The following CSGALNACT1 variants were observed in gnomAD, a reference collection of about 807,000 sequenced individuals.
CSGALNACT1 encodes chondroitin sulfate N-acetylgalactosaminyltransferase 1, also known as beta4GalNAcT-1.
In CSGALNACT1, 52 loss-of-function variants were observed where a neutral mutation model predicts 51.0. The observed-to-expected ratio is 1.02, with a 90% CI of 0.82 to 1.29. The LOEUF (loss-of-function observed/expected upper bound fraction) is 1.29. Among genes scored for constraint, CSGALNACT1 ranks in the 50% most tolerant of loss-of-function variants. The pLI is 0.00. For synonymous variants in CSGALNACT1, 341 were observed against 254.4 expected (o/e 1.34, Z -3.24); for missense variants, 935 against 679.2 (o/e 1.38, Z -4.19).
In CSGALNACT1 at chr8:19,408,814, C is replaced by T. The variant is rs2054922704; in HGVS notation, c.1228-120G>A. Reference sequence around the variant, plus strand: ...CCATCCCATCACTGATAAACAGCCTCCACTGGTGCAGGAAACGCAGATGGA... The same window carrying T: ...CCATCCCATCACTGATAAACAGCCTTCACTGGTGCAGGAAACGCAGATGGA... On this transcript the variant is annotated intron_variant, in intron 8 of 9. Transcript: ENST00000454498. 4.7e-6 allele frequency: 4 copies of T among 844,368 alleles called. No homozygotes were observed. The South Asian group carries it at 5.5e-5, about 12-fold the overall frequency. 52.3% of individuals were successfully genotyped at this position (844,368 alleles called of 1,614,324 possible).
At chr8:19,523,699 C>T (rs147288925) in intron 3 of CSGALNACT1, among the ~76,000 whole-genome samples, 1 of 152,124 alleles carries the variant, frequency 6.6e-6, no homozygotes. Context: ...CTATTAAATG[C>T]TTACTGCATG....
intron 1 of CSGALNACT1, among the ~76,000 whole-genome samples, chr8:19,638,421 G>A (rs959262571): frequency 6.6e-6 from 1 of 151,988 alleles, no homozygotes; most frequent in Non-Finnish European, 1.5e-5. Flanking sequence ...CTTGGACCTC[G>A]CCTTCTTTTT....
chr8:19,525,615 C>CAAAAAAAAAAAAAAAAAAAAAAA (rs34787475), intron 3 of CSGALNACT1, among the ~76,000 whole-genome samples: 1 of 20,362 alleles, frequency 4.9e-5, no homozygotes, highest in Non-Finnish European at 8.9e-5. Context: ...AAACTTGTCC[C>CAAAAAAAAAAAAAAAAAAAAAAA]AAAAAAAAAA....
intron 1 of CSGALNACT1, among the ~76,000 whole-genome samples, chr8:19,724,278 G>A (rs538169795): frequency 2.0e-5 from 3 of 152,260 alleles, no homozygotes; most frequent in African/African-American, 7.2e-5. Flanking sequence ...TAAAATCTAG[G>A]GCTCAGGAGA....
At chr8:19,576,782 C>T (rs1001029028) in intron 3 of CSGALNACT1, among the ~76,000 whole-genome samples, 8 of 151,988 alleles carry the variant, frequency 5.3e-5, no homozygotes, top group African/African-American at 7.3e-5. Context: ...TACTTGGGCC[C>T]GCTTGTGAGT....
At chr8:19,446,232 G>T (rs532097309) in intron 5 of CSGALNACT1, among the ~76,000 whole-genome samples, 1 of 152,122 alleles carries the variant, frequency 6.6e-6, no homozygotes, top group South Asian at 2.1e-4. Context: ...AATGGTATTC[G>T]TTACGTATTC....
At chr8:19,721,447 C>T (rs981018682) in intron 1 of CSGALNACT1, among the ~76,000 whole-genome samples, 4 of 152,156 alleles carry the variant, frequency 2.6e-5, no homozygotes, top group African/African-American at 4.8e-5. Flanking sequence ...ACATGAGACA[C>T]GATCCTAGTC....
chr8:19,675,547 C>A (rs948525132), intron 1 of CSGALNACT1, among the ~76,000 whole-genome samples: 1 of 152,030 alleles, frequency 6.6e-6, no homozygotes, highest in Non-Finnish European at 1.5e-5. Flanking sequence ...GGAGTGAGTA[C>A]AGTGGCGCGA....
At chr8:19,536,904 C>T (rs1013877662) in intron 3 of CSGALNACT1, among the ~76,000 whole-genome samples, 10 of 152,178 alleles carry the variant, frequency 6.6e-5, no homozygotes, top group Middle Eastern at 3.4e-3. Context: ...AGTAATTCAA[C>T]GGGGGTAAAC....
rs1176791386 is a variant in CSGALNACT1 at position 19,427,085 on chromosome 8, C to T, written c.954-6567G>A. 2.0e-5 allele frequency among the ~76,000 whole-genome samples: 3 copies of T among 152,180 alleles called. No individual in the cohort carries two copies. The East Asian group carries it at 5.8e-4, about 29-fold the overall frequency. ...CTGAACATGTTATCATCCAATTTTT[C>T]ATAGTAGGCACTTTAAATAATTAAT... On this transcript the variant is annotated intron_variant, in intron 6 of 9. Coordinates refer to ENST00000454498, the Ensembl canonical transcript of CSGALNACT1.
intron 3 of CSGALNACT1, among the ~76,000 whole-genome samples, chr8:19,526,509 G>C (rs7841199): frequency 3.9e-4 from 60 of 152,168 alleles, no homozygotes; most frequent in African/African-American, 1.4e-3. Flanking sequence ...CTTGAACCTG[G>C]GAGGCGGAGG....
chr8:19,462,692 C>T (rs2065812478), intron 4 of CSGALNACT1, among the ~76,000 whole-genome samples: 1 of 152,172 alleles, frequency 6.6e-6, no homozygotes, highest in East Asian at 1.9e-4. Flanking sequence ...TTCTGTCTTC[C>T]ACATACCATG....
intron 4 of CSGALNACT1, among the ~76,000 whole-genome samples, chr8:19,495,834 G>A (rs948608188): frequency 6.6e-6 from 1 of 152,202 alleles, no homozygotes; most frequent in African/African-American, 2.4e-5. Context: ...TGTGTCTCCA[G>A]GCCTGCAGGA....
chr8:19,420,471 A>T (rs1204051677), exon 7 of CSGALNACT1: 5 of 1,614,078 alleles, frequency 3.1e-6, no homozygotes, highest in Non-Finnish European at 3.4e-6. Context: ...TCCCCGAGAA[A>T]ATTCTCCATT....
rs182798573 is a variant in CSGALNACT1, at chr8:19,475,475, A to G, written c.635-16833T>C. On this transcript the variant is annotated intron_variant, in intron 4 of 9. Coordinates refer to ENST00000454498, the Ensembl canonical transcript of CSGALNACT1. ...TACAAAAGTATGTTCCAATCACCATAAAGTTTTGAAGGAAAGCCCCCGGAG... is the reference window on the plus strand; with the variant it reads ...TACAAAAGTATGTTCCAATCACCATGAAGTTTTGAAGGAAAGCCCCCGGAG... Among the ~76,000 whole-genome samples the G allele has an allele frequency of 1.6e-3, 242 of 152,302 alleles. 1 individual carries two copies. The Middle Eastern group carries it at 0.034, about 21-fold the overall frequency.
intron 1 of CSGALNACT1, among the ~76,000 whole-genome samples, chr8:19,674,307 TAAGG>T (rs1355842949): frequency 6.6e-6 from 1 of 151,736 alleles, no homozygotes; most frequent in Non-Finnish European, 1.5e-5. Context: ...AAAAAAATTT[TAAGG>T]GAGGTCTGAT....
At chr8:19,679,627 C>T (rs2060449728) in intron 1 of CSGALNACT1, among the ~76,000 whole-genome samples, 1 of 152,094 alleles carries the variant, frequency 6.6e-6, no homozygotes, top group South Asian at 2.1e-4. Context: ...TTCTTCAAAT[C>T]GCCTTTCAAC....
chr8:19,440,220 G>A (rs949966107), intron 5 of CSGALNACT1, among the ~76,000 whole-genome samples: 2 of 152,226 alleles, frequency 1.3e-5, no homozygotes, highest in Non-Finnish European at 2.9e-5. Flanking sequence ...GGCCTAGACA[G>A]TGTCATGGAA....
At chr8:19,672,286 G>A (rs764096293) in intron 1 of CSGALNACT1, among the ~76,000 whole-genome samples, 7 of 152,106 alleles carry the variant, frequency 4.6e-5, no homozygotes, top group East Asian at 1.9e-4. Flanking sequence ...TTCCTTAGAC[G>A]CCTAACACAG....
Sources: allele counts gnomAD v4.1 joint callset (sites outside exome capture counted in the v4.1 genomes callset), GRCh38; gene constraint gnomAD v4.1.1; transcripts MANE v1.5; gene names NCBI Gene and HGNC (gene_info 2026-07-23, HGNC 2026-07-21).